GFI1B: variants seen among roughly 807,000 people sequenced by gnomAD.
GFI1B encodes the protein zinc finger protein Gfi-1b.
GFI1B carries 20 observed loss-of-function variants against 35.3 expected under a neutral mutation model. That is an observed-to-expected ratio of 0.57 (90% confidence interval 0.40 to 0.82). The LOEUF (loss-of-function observed/expected upper bound fraction) is 0.82. GFI1B is among the 40% of genes least tolerant of loss of function. The pLI is 0.00. For synonymous variants in GFI1B, 178 were observed against 177.6 expected, an observed-to-expected ratio of 1.00 and a Z score of -0.02; for missense variants, 430 against 446.3, an observed-to-expected ratio of 0.96 and a Z score of 0.33.
chr9:132,962,916 C>CAAAAAAAAAA (rs60268965), intron 1 of GFI1B, among the ~76,000 whole-genome samples: 5 of 124,260 alleles, frequency 4.0e-5, no homozygotes, highest in African/African-American at 9.2e-5. Context: ...ACTAAAAATA[C>CAAAAAAAAAA]AAAAAAAAAA....
At chr9:132,949,854 C>G (rs1389315856) in intron 1 of GFI1B, 1 of 152,556 alleles carries the variant, frequency 6.6e-6, no homozygotes, top group Non-Finnish European at 1.5e-5. Flanking sequence ...TTTTTCATGC[C>G]TGTAATCCCC....
In GFI1B at chr9:132,953,136, A is replaced by G. The variant is rs375368578; in HGVS notation, c.-701+7467A>G. ...CTTGATATTTGCTTTCTATTTTTCC[A>G]TCTGTTCTTTGTTCCTTTCTTTTGT... On this transcript the variant is annotated intron_variant, in intron 1 of 10. Transcript: ENST00000339463. 1.1e-4 allele frequency: 16 copies of G among 151,984 alleles called. No homozygotes were observed. The East Asian group carries it at 1.2e-3, about 11-fold the overall frequency. 9.4% of individuals were successfully genotyped at this position (151,984 alleles called of 1,614,324 possible).
intron 1 of GFI1B, among the ~76,000 whole-genome samples, chr9:132,948,123 ATGGT>A (rs1387974856): frequency 3.3e-5 from 5 of 152,134 alleles, no homozygotes; most frequent in African/African-American, 1.2e-4. Flanking sequence ...ACAAGCTGAA[ATGGT>A]TGGTCTACAG....
At chr9:132,978,344 G>C (rs552550684), upstream of GFI1B, among the ~76,000 whole-genome samples, 6 of 146,908 alleles carry the variant, frequency 4.1e-5, no homozygotes, top group East Asian at 1.5e-3. Context: ...AGAAAAGAAA[G>C]AAGAAAAAAA....
chr9:132,985,681 A>G (rs1031233366), intron 1 of GFI1B, among the ~76,000 whole-genome samples: 9 of 152,194 alleles, frequency 5.9e-5, no homozygotes, highest in Non-Finnish European at 7.4e-5. Context: ...GCCCCCAGTG[A>G]TAGACACTGA....
At chr9:132,955,792 G>A (rs1216805464) in intron 1 of GFI1B, among the ~76,000 whole-genome samples, 3 of 140,458 alleles carry the variant, frequency 2.1e-5, no homozygotes, top group Non-Finnish European at 4.6e-5. Context: ...CCAACGTGAT[G>A]TGTGTGTGTG....
intron 1 of GFI1B, among the ~76,000 whole-genome samples, chr9:132,970,432 C>CGCACGCAT (rs1402463980): frequency 6.6e-6 from 1 of 152,152 alleles, no homozygotes; most frequent in Non-Finnish European, 1.5e-5. Context: ...TGAACACACA[C>CGCACGCAT]GCACGCATGC....
chr9:132,983,225 G>T (rs1246650718), intron 1 of GFI1B, among the ~76,000 whole-genome samples: 1 of 137,598 alleles, frequency 7.3e-6, no homozygotes, highest in Non-Finnish European at 1.5e-5. Context: ...ACAGAGTGTG[G>T]CTCTGTCACC....
At chr9:132,955,810 G>A (rs936381416) in intron 1 of GFI1B, among the ~76,000 whole-genome samples, 1 of 79,014 alleles carries the variant, frequency 1.3e-5, no homozygotes, top group Non-Finnish European at 2.7e-5. Flanking sequence ...GTGTGTGCAT[G>A]TGTGTGTGTG....
chr9:132,990,798 A>G (rs1849267786), intron 6 of GFI1B, 74 bp from the exon 7 acceptor site: 1 of 1,373,302 alleles, frequency 7.3e-7, no homozygotes, highest in Non-Finnish European at 1.0e-6. Context: ...ACCCGGGGGC[A>G]GGGCAGGGGA....
At chr9:132,981,904 C>T (rs1034277354) in intron 1 of GFI1B, among the ~76,000 whole-genome samples, 4 of 152,164 alleles carry the variant, frequency 2.6e-5, no homozygotes, top group African/African-American at 9.7e-5. Flanking sequence ...AGGTGCCTGC[C>T]ACCACACCCA....
intron 1 of GFI1B, among the ~76,000 whole-genome samples, chr9:132,972,255 C>T (rs930459096): frequency 4.0e-5 from 6 of 151,834 alleles, no homozygotes; most frequent in African/African-American, 1.5e-4. Context: ...AACCCCGTCT[C>T]TACTAAAAAT....
chr9:132,953,213 A>G (rs1371420541), intron 1 of GFI1B: 1 of 152,134 alleles, frequency 6.6e-6, no homozygotes, highest in Non-Finnish European at 1.5e-5. Flanking sequence ...ATTCCATTTT[A>G]CCACCACTAT....
At chr9:132,966,034 G>A (rs1179057332) in intron 1 of GFI1B, among the ~76,000 whole-genome samples, 4 of 152,138 alleles carry the variant, frequency 2.6e-5, no homozygotes, top group Admixed American at 2.0e-4. Flanking sequence ...AGTTCACAGC[G>A]ATGCTGAAGT....
At chr9:132,985,574 G>A (rs1301557418) in intron 1 of GFI1B, among the ~76,000 whole-genome samples, 2 of 152,190 alleles carry the variant, frequency 1.3e-5, no homozygotes, top group African/African-American at 4.8e-5. Context: ...CAGGGCTGTG[G>A]ACAAGGCGCA....
At position 132,983,331 on chromosome 9, in the gene GFI1B, G is replaced by A. The variant is rs138397394; in HGVS notation, c.-20-3328G>A. Among the ~76,000 whole-genome samples the A allele has an allele frequency of 3.9e-3, 595 of 151,864 alleles. 1 individual carries two copies. The highest frequency in any genetic ancestry group is 4.0e-3 in the Non-Finnish European group (270 of 67,952). On this transcript the variant is annotated intron_variant, in intron 1 of 6. Transcript: ENST00000372122. ...CCTGCCTCAGCCTCCTGAGTAGCTG[G>A]AACTGTAGGCAAGTGCCACCATGCC...
intron 2 of GFI1B, 48 bp from the exon 3 acceptor site, chr9:132,987,234 T>G: frequency 6.2e-7 from 1 of 1,600,110 alleles, no homozygotes; most frequent in Non-Finnish European, 8.5e-7. Context: ...CCCTCTGGGC[T>G]TCCCAGAAAC....
chr9:132,992,661 C>A (rs769565393), downstream of GFI1B, among the ~76,000 whole-genome samples: 5 of 152,212 alleles, frequency 3.3e-5, no homozygotes, highest in African/African-American at 1.2e-4. Flanking sequence ...CTCCATGAAG[C>A]CTCCCTGGGT....
intron 1 of GFI1B, among the ~76,000 whole-genome samples, chr9:132,983,442 G>A (rs1848908449): frequency 6.6e-6 from 1 of 151,910 alleles, no homozygotes; most frequent in South Asian, 2.1e-4. Context: ...TGATCCGTCC[G>A]CCTCGGCCTC....
Sources: gnomAD v4.1 joint callset for allele counts (sites outside exome capture counted in the v4.1 genomes callset) on GRCh38, gnomAD v4.1.1 for gene constraint, MANE v1.5 for transcripts, NCBI Gene and HGNC (gene_info 2026-07-23, HGNC 2026-07-21) for gene names.